Variants in RP1 observed in about 807,000 individuals in gnomAD.
RP1 encodes the protein oxygen-regulated protein 1.
In RP1, 16 loss-of-function variants were observed where a neutral mutation model predicts 14.8. The observed-to-expected ratio is 1.08, with a 90% CI of 0.73 to 1.65. RP1 has a LOEUF of 1.65. Among genes scored for constraint, RP1 ranks in the 40% most tolerant of loss-of-function variants. The pLI is 0.00. For synonymous variants in RP1, 876 were observed against 883.6 expected (o/e 0.99, Z 0.15); for missense variants, 2,631 against 2,535.0 (o/e 1.04, Z -0.81).
chr8:54,700,673 C>G (rs1807992685), intron 13 of RP1, among the ~76,000 whole-genome samples: 1 of 152,124 alleles, frequency 6.6e-6, no homozygotes, highest in Non-Finnish European at 1.5e-5. Flanking sequence ...CAAATTAAGG[C>G]TACCTTAAAG....
chr8:54,828,879 CTTCTTTTTT>C (rs1563389030), intron 24 of RP1, among the ~76,000 whole-genome samples: 1 of 107,412 alleles, frequency 9.3e-6, no homozygotes, highest in Non-Finnish European at 1.9e-5. Flanking sequence ...TCTTCTTCTT[CTTCTTTTTT>C]TTTTTTTTTT....
intron 19 of RP1, among the ~76,000 whole-genome samples, chr8:54,752,822 G>A (rs1373397047): frequency 1.3e-5 from 2 of 152,120 alleles, no homozygotes; most frequent in South Asian, 2.1e-4. Context: ...GGGAGAACGT[G>A]CAAATTCCAC....
chr8:54,730,516 T>C (rs1225082987), intron 17 of RP1, among the ~76,000 whole-genome samples: 1 of 152,132 alleles, frequency 6.6e-6, no homozygotes, highest in Non-Finnish European at 1.5e-5. Context: ...TATACATCAG[T>C]TAATACAGTC....
At chr8:54,571,857 T>C (rs1033645497) in intron 1 of RP1, among the ~76,000 whole-genome samples, 2 of 152,068 alleles carry the variant, frequency 1.3e-5, no homozygotes, top group Non-Finnish European at 2.9e-5. Context: ...TCTCTGAAGG[T>C]GTCTATATCC....
chr8:54,829,511 T>A (rs577240952), intron 24 of RP1, among the ~76,000 whole-genome samples: 155 of 152,300 alleles, frequency 1.0e-3, no homozygotes, highest in Non-Finnish European at 1.9e-3. Context: ...AAGTATGTTT[T>A]TGGAGGAGAC....
downstream of RP1, among the ~76,000 whole-genome samples, chr8:54,632,580 A>C (rs1161862682): frequency 6.6e-6 from 1 of 152,180 alleles, no homozygotes; most frequent in Non-Finnish European, 1.5e-5. Context: ...AAGGCATTTA[A>C]TTTTTCTTTA....
At chr8:54,731,628 T>A (rs940039799) in intron 17 of RP1, among the ~76,000 whole-genome samples, 1 of 152,270 alleles carries the variant, frequency 6.6e-6, no homozygotes, top group South Asian at 2.1e-4. Flanking sequence ...ATAATATGAG[T>A]GTACCCTGAC....
intron 25 of RP1, among the ~76,000 whole-genome samples, chr8:54,849,509 A>G (rs1444144502): frequency 3.9e-5 from 6 of 152,202 alleles, no homozygotes; most frequent in Admixed American, 6.5e-5. Flanking sequence ...ATATTAAAAA[A>G]AAATTCTGTG....
chr8:54,694,349 A>G (rs1006891581), intron 12 of RP1, among the ~76,000 whole-genome samples: 68 of 152,184 alleles, frequency 4.5e-4, no homozygotes, highest in African/African-American at 1.6e-3. Flanking sequence ...GAGTTAGGGA[A>G]GATTCCCTCT....
At chr8:54,752,730 G>C (rs1250070704) in intron 19 of RP1, among the ~76,000 whole-genome samples, 1 of 152,078 alleles carries the variant, frequency 6.6e-6, no homozygotes, top group Non-Finnish European at 1.5e-5. Flanking sequence ...GGACCATGTA[G>C]ACACACCAGT....
intron 25 of RP1, among the ~76,000 whole-genome samples, chr8:54,848,179 A>G (rs150011534): frequency 1.3e-5 from 2 of 152,206 alleles, no homozygotes; most frequent in African/African-American, 4.8e-5. Context: ...CTTGGCAGTC[A>G]TCTCGGGCAG....
intron 24 of RP1, among the ~76,000 whole-genome samples, chr8:54,796,200 C>T (rs1425738831): frequency 6.6e-6 from 1 of 152,068 alleles, no homozygotes; most frequent in South Asian, 2.1e-4. Flanking sequence ...CCATTTTATC[C>T]TCTGTAAAAT....
At chr8:54,622,373 A>G in intron 3 of RP1, 85 bp downstream of exon 3, 1 of 1,142,846 alleles carries the variant, frequency 8.8e-7, no homozygotes, top group Admixed American at 1.7e-5. Flanking sequence ...TGCTTCAATG[A>G]CCAGTTTCTT....
rs146327046 is a variant in RP1 at position 54,674,091 on chromosome 8, A to G, written c.1402+163A>G. On this transcript the variant is annotated intron_variant, in intron 8 of 22. Coordinates refer to the RP1 transcript ENST00000636932. ...TGTCTCCAAATACCCTTTAAAATTT[A>G]ACTAGATGTATTTTTCTTCAAAATG... Among the ~76,000 whole-genome samples the G allele has an allele frequency of 1.2e-4, 18 of 152,322 alleles. No individual in the cohort carries two copies. In the East Asian group the frequency reaches 3.3e-3, roughly 28 times the overall value.
At chr8:54,560,787 C>G (rs919646369) in intron 1 of RP1, 2 of 151,754 alleles carry the variant, frequency 1.3e-5, no homozygotes, top group African/African-American at 4.8e-5. Context: ...CTTATTTGCT[C>G]TAGGTCTGAC....
At chr8:54,748,775 G>A (rs184766428) in intron 19 of RP1, among the ~76,000 whole-genome samples, 4 of 152,258 alleles carry the variant, frequency 2.6e-5, no homozygotes, top group African/African-American at 7.2e-5. Flanking sequence ...AAACGTGTTG[G>A]TGACTATTTG....
chr8:54,664,241 T>G (rs1046656883), intron 7 of RP1, among the ~76,000 whole-genome samples: 13 of 152,310 alleles, frequency 8.5e-5, no homozygotes, highest in Admixed American at 4.6e-4. Flanking sequence ...TAAGGCTGAA[T>G]AATACTCCAT....
intron 3 of RP1, among the ~76,000 whole-genome samples, chr8:54,643,217 A>G (rs978094790): frequency 6.6e-6 from 1 of 152,182 alleles, no homozygotes; most frequent in African/African-American, 2.4e-5. Context: ...TTATTGAGGT[A>G]TAATTTACAT....
chr8:54,740,234 C>T (rs1024047736), intron 19 of RP1, among the ~76,000 whole-genome samples: 4 of 150,504 alleles, frequency 2.7e-5, no homozygotes, highest in Non-Finnish European at 5.9e-5. Context: ...CAGAAGAAAG[C>T]ATTGTTATCA....
Sources: gnomAD v4.1 joint callset for allele counts (sites outside exome capture counted in the v4.1 genomes callset) on GRCh38, gnomAD v4.1.1 for gene constraint, MANE v1.5 for transcripts, NCBI Gene and HGNC (gene_info 2026-07-23, HGNC 2026-07-21) for gene names.